The following MSRA variants were observed in gnomAD, a reference collection of about 807,000 sequenced individuals.
MSRA encodes the protein methionine sulfoxide reductase A, also known as mitochondrial peptide methionine sulfoxide reductase.
Under a neutral mutation model 31.3 loss-of-function variants are expected in MSRA, and 54 were observed. That is an observed-to-expected ratio of 1.73 (90% CI 1.39 to 2.17). The LOEUF (loss-of-function observed/expected upper bound fraction) is 2.17. Among genes scored for constraint, MSRA ranks in the 30% most tolerant of loss-of-function variants. MSRA has a pLI of 0.00. For synonymous variants in MSRA, 169 were observed against 116.5 expected (o/e 1.45, Z -2.90); for missense variants, 507 against 300.9 (o/e 1.69, Z -5.07).
intron 3 of MSRA, among the ~76,000 whole-genome samples, chr8:10,254,358 C>G (rs1253366447): frequency 6.6e-6 from 1 of 152,156 alleles, no homozygotes; most frequent in Non-Finnish European, 1.5e-5. Context: ...TTTGCTTCTT[C>G]TTTCCTTGAG....
chr8:10,211,928 G>A (rs544135531), intron 2 of MSRA, among the ~76,000 whole-genome samples: 12 of 152,226 alleles, frequency 7.9e-5, no homozygotes, highest in East Asian at 1.9e-4. Context: ...GTAATTTCAC[G>A]AGAAAATCAA....
chr8:10,054,728 C>A lies in MSRA; in HGVS notation c.142+70C>A, dbSNP rs1035326051. On this transcript the variant is annotated intron_variant, in intron 1 of 5. Transcript: ENST00000317173. ...TGCGCGCCTTTGCCCGGCGGCAGCG[C>A]GCCCGCTGCCCGGAAGGAAGCCGTG... is the stretch of plus-strand genomic sequence containing the variant. The A allele has an allele frequency of 1.4e-5, 19 of 1,387,112 alleles. No individual in the cohort carries two copies. In the African/African-American group the frequency reaches 2.1e-4, roughly 15 times the overall value. The allele number at this position is 1,387,112 out of a possible 1,614,324, so 85.9% of individuals were successfully genotyped here. A position where few individuals can be genotyped will look rare whatever the true frequency, so the allele number is the denominator to read the frequency against.
chr8:10,094,099 G>C (rs1798998086), intron 1 of MSRA, among the ~76,000 whole-genome samples: 1 of 152,162 alleles, frequency 6.6e-6, no homozygotes. Context: ...CTGTTAGTCT[G>C]CCCACGTTTC....
chr8:10,284,334 G>A (rs545113112), intron 3 of MSRA, among the ~76,000 whole-genome samples: 5 of 151,786 alleles, frequency 3.3e-5, no homozygotes, highest in African/African-American at 7.3e-5. Context: ...GACTATAGGC[G>A]CCCGCCACCA....
intron 3 of MSRA, among the ~76,000 whole-genome samples, chr8:10,282,996 TTTGAAGA>T (rs202061810): frequency 0.013 from 1,965 of 152,264 alleles, 53 homozygotes; most frequent in African/African-American, 0.044. Context: ...GCAGACTGCT[TTTGAAGA>T]TTAAAGAGAT....
intron 1 of MSRA, among the ~76,000 whole-genome samples, chr8:10,094,964 A>G (rs1799049577): frequency 6.6e-6 from 1 of 152,178 alleles, no homozygotes; most frequent in Admixed American, 6.5e-5. Context: ...TCTGTAGTAA[A>G]ATTTTGAATA....
chr8:10,350,058 T>C (rs891464805), intron 5 of MSRA, among the ~76,000 whole-genome samples: 1 of 152,228 alleles, frequency 6.6e-6, no homozygotes, highest in African/African-American at 2.4e-5. Flanking sequence ...AGACCTCGGA[T>C]TGTACTTGAA....
At chr8:10,279,031 A>G (rs1483524718) in intron 3 of MSRA, among the ~76,000 whole-genome samples, 2 of 152,172 alleles carry the variant, frequency 1.3e-5, no homozygotes, top group Admixed American at 6.5e-5. Flanking sequence ...TATTTTTACA[A>G]AGGTCATTTA....
chr8:10,089,876 G>T (rs925406733), intron 1 of MSRA, among the ~76,000 whole-genome samples: 1 of 152,164 alleles, frequency 6.6e-6, no homozygotes. Flanking sequence ...GAGCTCACTT[G>T]ATCCCTTGAG....
intron 2 of MSRA, among the ~76,000 whole-genome samples, chr8:10,220,055 G>A (rs4075952): frequency 0.23 from 34,441 of 151,860 alleles, 4,333 homozygotes; most frequent in Admixed American, 0.29. Flanking sequence ...TTAGGCCCAA[G>A]TAGTGTGAAC....
At chr8:10,399,830 A>G (rs1313196697) in intron 5 of MSRA, among the ~76,000 whole-genome samples, 1 of 152,120 alleles carries the variant, frequency 6.6e-6, no homozygotes, top group Non-Finnish European at 1.5e-5. Context: ...GCTGTCACTA[A>G]CAAACCGCAA....
chr8:10,362,461 C>CAAAA (rs11388593), intron 5 of MSRA, among the ~76,000 whole-genome samples: 2 of 76,704 alleles, frequency 2.6e-5, no homozygotes, highest in Admixed American at 1.5e-4. Flanking sequence ...ATACCATAAG[C>CAAAA]AAAAAAAAAA....
intron 1 of MSRA, among the ~76,000 whole-genome samples, chr8:10,165,392 G>T (rs892434497): frequency 2.0e-5 from 3 of 151,996 alleles, no homozygotes; most frequent in African/African-American, 4.8e-5. Context: ...CTGAGTTTCC[G>T]ATTAAAAACC....
chr8:10,287,172 C>G (rs147759695), intron 3 of MSRA, among the ~76,000 whole-genome samples: 2 of 152,178 alleles, frequency 1.3e-5, no homozygotes, highest in Admixed American at 6.5e-5. Context: ...ACAGCCGAGT[C>G]TGCATCTATA....
chr8:10,398,759 A>G (rs1402304367), intron 5 of MSRA, among the ~76,000 whole-genome samples: 1 of 152,256 alleles, frequency 6.6e-6, no homozygotes, highest in Non-Finnish European at 1.5e-5. Flanking sequence ...ATTCAGATGA[A>G]AGGAAAAACA....
At chr8:10,072,604 T>G (rs1797791879) in intron 1 of MSRA, among the ~76,000 whole-genome samples, 1 of 152,230 alleles carries the variant, frequency 6.6e-6, no homozygotes, top group Non-Finnish European at 1.5e-5. Context: ...CCACTCCATA[T>G]AAACATCCAA....
At chr8:10,346,491 A>G (rs932561205) in intron 5 of MSRA, among the ~76,000 whole-genome samples, 1 of 152,188 alleles carries the variant, frequency 6.6e-6, no homozygotes, top group Admixed American at 6.5e-5. Context: ...AACGAAGACC[A>G]CCAAATGGAA....
At chr8:10,353,157 C>A (rs1201802461) in intron 5 of MSRA, among the ~76,000 whole-genome samples, 1 of 152,166 alleles carries the variant, frequency 6.6e-6, no homozygotes, top group East Asian at 1.9e-4. Context: ...CACTGTGAGA[C>A]AAAGAATTGT....
At chr8:10,081,852 C>G (rs189847636) in intron 1 of MSRA, among the ~76,000 whole-genome samples, 33 of 152,248 alleles carry the variant, frequency 2.2e-4, no homozygotes, top group Admixed American at 2.0e-3. Flanking sequence ...TCTTGATCTG[C>G]AGTCAAATGT....
Sources: gnomAD v4.1 joint callset for allele counts (sites outside exome capture counted in the v4.1 genomes callset) on GRCh38, gnomAD v4.1.1 for gene constraint, MANE v1.5 for transcripts, NCBI Gene and HGNC (gene_info 2026-07-23, HGNC 2026-07-21) for gene names.